PIGK: variants seen among roughly 807,000 people sequenced by gnomAD.
The protein encoded by PIGK is phosphatidylinositol glycan anchor biosynthesis class K, also known as GPI-anchor transamidase.
A neutral mutation model predicts 50.6 loss-of-function variants in PIGK; 42 were observed. That is an observed-to-expected ratio of 0.83 (90% CI 0.65 to 1.07). The LOEUF is 1.07. PIGK is among the 50% of genes least tolerant of loss of function. The pLI, the probability that PIGK is intolerant of heterozygous loss-of-function variation, is 0.00. For synonymous variants in PIGK, 151 were observed against 156.0 expected (o/e 0.97, Z 0.24); for missense variants, 448 against 488.7 (o/e 0.92, Z 0.78).
chr1:77,156,302 T>A (rs578152468), intron 8 of PIGK, among the ~76,000 whole-genome samples: 2 of 152,238 alleles, frequency 1.3e-5, no homozygotes, highest in South Asian at 4.1e-4. Flanking sequence ...CTGAATAATA[T>A]TATCCTATTC....
chr1:77,130,368 A>G (rs1409867848), intron 9 of PIGK, among the ~76,000 whole-genome samples: 1 of 109,226 alleles, frequency 9.2e-6, no homozygotes, highest in African/African-American at 3.2e-5. Context: ...TTGCATTTTT[A>G]TCTTTAATCC....
Position 77,147,861 on chromosome 1 carries a change from C to CT in PIGK, c.986+6587dup, listed in dbSNP as rs1444747188. ...GAAACAAAGGGTTGTTACTATATAA[C>CT]TTTATCTTACTTAACATATGTAAGT... On this transcript the variant is annotated intron_variant, in intron 9 of 10. Transcript: ENST00000370812. 3.9e-5 allele frequency among the ~76,000 whole-genome samples: 6 copies of CT among 152,288 alleles called. No homozygotes were observed. In the South Asian group the frequency reaches 6.2e-4, roughly 16 times the overall value.
intron 3 of PIGK, among the ~76,000 whole-genome samples, chr1:77,181,407 G>T (rs1005464127): frequency 6.6e-6 from 1 of 152,004 alleles, no homozygotes; most frequent in African/African-American, 2.4e-5. Flanking sequence ...GTAATAAACT[G>T]GTATTACCTT....
intron 10 of PIGK, among the ~76,000 whole-genome samples, chr1:77,096,585 A>C (rs1306019146): frequency 6.6e-6 from 1 of 152,178 alleles, no homozygotes; most frequent in Non-Finnish European, 1.5e-5. Context: ...CCAGCCAACT[A>C]TAAGGGCAAA....
At chr1:77,094,033 T>C (rs187032661) in intron 10 of PIGK, among the ~76,000 whole-genome samples, 93 of 152,172 alleles carry the variant, frequency 6.1e-4, no homozygotes, top group African/African-American at 2.1e-3. Flanking sequence ...AATGAAAAAA[T>C]AAGTGAGTGA....
intron 9 of PIGK, among the ~76,000 whole-genome samples, chr1:77,126,507 A>G (rs1167473511): frequency 6.6e-6 from 1 of 152,138 alleles, no homozygotes; most frequent in African/African-American, 2.4e-5. Flanking sequence ...GTCTTAAAAA[A>G]AAAATCATCT....
rs533608428 is a variant in PIGK, at chr1:77,110,094, C to G, written c.1071+12181G>C. ...CTTCAAGGAGAACTACAAACCACTG[C>G]TCAAAGAAATAAAAGAGGACACAAA... On this transcript the variant is annotated intron_variant, in intron 10 of 10. Transcript: ENST00000370812. Among the ~76,000 whole-genome samples, 9 of 152,250 alleles carry G rather than the reference C, an allele frequency of 5.9e-5. No homozygotes were observed. The South Asian group carries it at 1.9e-3, about 32-fold the overall frequency.
At chr1:77,140,238 T>C (rs1654616961) in intron 9 of PIGK, among the ~76,000 whole-genome samples, 1 of 151,976 alleles carries the variant, frequency 6.6e-6, no homozygotes, top group African/African-American at 2.4e-5. Context: ...CCCCAGTGCA[T>C]GCTCACACTC....
chr1:77,207,764 A>G (rs1039749154), intron 2 of PIGK, among the ~76,000 whole-genome samples: 5 of 152,142 alleles, frequency 3.3e-5, no homozygotes, highest in African/African-American at 1.2e-4. Context: ...TGCCTTTAGT[A>G]GGTATAATGA....
At chr1:77,160,736 C>CA (rs531636617) in intron 8 of PIGK, among the ~76,000 whole-genome samples, 1 of 151,974 alleles carries the variant, frequency 6.6e-6, no homozygotes, top group South Asian at 2.1e-4. Flanking sequence ...AGAATCAGCA[C>CA]AAAAAAATTC....
At chr1:77,191,372 C>T (rs1655899709) in intron 3 of PIGK, among the ~76,000 whole-genome samples, 1 of 152,060 alleles carries the variant, frequency 6.6e-6, no homozygotes, top group South Asian at 2.1e-4. Context: ...GTTATTTTTC[C>T]AATAATGATC....
At chr1:77,197,085 T>C (rs1472767015) in intron 3 of PIGK, among the ~76,000 whole-genome samples, 3 of 152,192 alleles carry the variant, frequency 2.0e-5, no homozygotes, top group Non-Finnish European at 2.9e-5. Flanking sequence ...GCCAAGTAAG[T>C]TAATGCTAAA....
intron 9 of PIGK, among the ~76,000 whole-genome samples, chr1:77,152,318 T>A (rs773929511): frequency 4.6e-5 from 7 of 151,890 alleles, no homozygotes; most frequent in Non-Finnish European, 1.0e-4. Flanking sequence ...TGAAACTAGA[T>A]CCCCAACTTT....
intron 2 of PIGK, among the ~76,000 whole-genome samples, chr1:77,208,528 C>T (rs1299941415): frequency 6.6e-6 from 1 of 152,146 alleles, no homozygotes; most frequent in East Asian, 1.9e-4. Context: ...GCCTCTTGAA[C>T]ATGGAGGGGC....
intron 10 of PIGK, among the ~76,000 whole-genome samples, chr1:77,103,770 C>T (rs1439994195): frequency 6.6e-6 from 1 of 152,090 alleles, no homozygotes; most frequent in African/African-American, 2.4e-5. Flanking sequence ...AAGAAATACA[C>T]GAAGGAGCTC....
chr1:77,150,121 C>T (rs182955040), intron 9 of PIGK, among the ~76,000 whole-genome samples: 10 of 152,052 alleles, frequency 6.6e-5, no homozygotes, highest in East Asian at 1.9e-4. Flanking sequence ...TAGCAATAAA[C>T]GCCTACATCA....
rs1653295885 is a variant in PIGK at position 77,091,433 on chromosome 1, A to C, written c.*941T>G. On this transcript the variant is annotated 3_prime_UTR_variant, in exon 11 of 11. Coordinates refer to ENST00000370812, the MANE Select transcript of PIGK (RefSeq NM_005482.3). ...ACTTTATGGGATTTTTCTCAAGGAAAGTATAGATACAGCCAGTGGGCAAGG... is the reference window on the plus strand; with the variant it reads ...ACTTTATGGGATTTTTCTCAAGGAACGTATAGATACAGCCAGTGGGCAAGG... 6.6e-6 allele frequency: 1 copy of C among 152,208 alleles called. No homozygotes were observed. The highest frequency in any genetic ancestry group is 1.5e-5 in the Non-Finnish European group (1 of 68,020). 9.4% of individuals were successfully genotyped at this position (152,208 alleles called of 1,614,324 possible).
At chr1:77,217,698 A>G (rs1227425660) in intron 1 of PIGK, among the ~76,000 whole-genome samples, 3 of 152,230 alleles carry the variant, frequency 2.0e-5, no homozygotes, top group African/African-American at 4.8e-5. Flanking sequence ...TAAGTGAGAT[A>G]TGATGGAATA....
chr1:77,169,069 CAT>C (rs1655297439), intron 4 of PIGK, among the ~76,000 whole-genome samples, 189 bp downstream of exon 4: 1 of 152,124 alleles, frequency 6.6e-6, no homozygotes, highest in South Asian at 2.1e-4. Flanking sequence ...TAGATAAAAA[CAT>C]AAAATGTTCA....
Sources: gnomAD v4.1 joint callset for allele counts (sites outside exome capture counted in the v4.1 genomes callset) on GRCh38, gnomAD v4.1.1 for gene constraint, MANE v1.5 for transcripts, NCBI Gene and HGNC (gene_info 2026-07-23, HGNC 2026-07-21) for gene names.